KBTBD12: variants seen among roughly 807,000 people sequenced by gnomAD.
KBTBD12 encodes kelch repeat and BTB domain-containing protein 12.
A neutral mutation model predicts 58.7 loss-of-function variants in KBTBD12; 53 were observed. The observed-to-expected ratio is 0.90, with a 90% CI of 0.72 to 1.14. The LOEUF is 1.14. Among genes scored for constraint, KBTBD12 ranks in the 50% most tolerant of loss-of-function variants. The pLI is 0.00. For missense variants in KBTBD12, 704 were observed against 751.3 expected, an observed-to-expected ratio of 0.94 and a Z score of 0.74; for synonymous variants, 236 against 259.8, an observed-to-expected ratio of 0.91 and a Z score of 0.88.
chr3:127,973,740 T>C (rs1349215856), intron 5 of KBTBD12, among the ~76,000 whole-genome samples: 2 of 152,214 alleles, frequency 1.3e-5, no homozygotes, highest in Admixed American at 1.3e-4. Flanking sequence ...GTATTCAGTG[T>C]ACTATTCTTT....
At position 127,923,459 on chromosome 3, in the gene KBTBD12, G is replaced by A. The variant is rs768044958; in HGVS notation, c.398G>A (p.Cys133Tyr). The A allele has an allele frequency of 3.1e-6, 5 of 1,611,302 alleles. No individual in the cohort carries two copies. In the Admixed American group the frequency reaches 5.0e-5, roughly 16 times the overall value. ...ATGGACCACATGGATGCCTCCAACT[G>A]TTTAGGTATCTATTATTTTGCAAAG... is the stretch of plus-strand genomic sequence containing the variant. The part of the protein sequence containing the change: ...YMMDHMDASN[C>Y]LGIYYFAKQI... Residue 133 changes from cysteine (C) to tyrosine (Y), a missense_variant, in exon 2 of 6, where the codon TGT becomes TAT. Transcript: ENST00000405109.
At chr3:127,981,544 G>T (rs1159196591) in intron 5 of KBTBD12, among the ~76,000 whole-genome samples, 3 of 152,148 alleles carry the variant, frequency 2.0e-5, no homozygotes, top group African/African-American at 7.2e-5. Context: ...ATTTCATTAG[G>T]TTTTGGAGGA....
At chr3:127,932,060 A>G (rs1157215849) in intron 4 of KBTBD12, among the ~76,000 whole-genome samples, 1 of 152,164 alleles carries the variant, frequency 6.6e-6, no homozygotes, top group African/African-American at 2.4e-5. Context: ...TTGTGAGATA[A>G]GCATATAAAG....
At chr3:127,936,894 A>C (rs1199026086) in intron 4 of KBTBD12, among the ~76,000 whole-genome samples, 1 of 152,190 alleles carries the variant, frequency 6.6e-6, no homozygotes, top group Admixed American at 6.5e-5. Context: ...AGAAGTAATA[A>C]TCATAAATAA....
chr3:127,957,956 T>C (rs1940352027), intron 4 of KBTBD12, among the ~76,000 whole-genome samples: 1 of 151,808 alleles, frequency 6.6e-6, no homozygotes, highest in South Asian at 2.1e-4. Flanking sequence ...TTGTGAGAGG[T>C]TGAAGGTGGA....
intron 5 of KBTBD12, among the ~76,000 whole-genome samples, chr3:127,968,184 C>G (rs1388633253): frequency 6.6e-6 from 1 of 152,230 alleles, no homozygotes; most frequent in African/African-American, 2.4e-5. Context: ...ACCCAGAAGT[C>G]TTACGTCTTC....
chr3:127,953,729 C>G (rs919564442), intron 4 of KBTBD12, among the ~76,000 whole-genome samples: 3 of 152,194 alleles, frequency 2.0e-5, no homozygotes, highest in African/African-American at 7.2e-5. Flanking sequence ...TAGTCATATA[C>G]TGGATAGTTT....
intron 4 of KBTBD12, among the ~76,000 whole-genome samples, chr3:127,962,099 C>G (rs1028844654): frequency 1.3e-5 from 2 of 152,186 alleles, no homozygotes; most frequent in African/African-American, 4.8e-5. Flanking sequence ...CAGTGCTTTA[C>G]AGGCTTTTTG....
At position 127,922,987 on chromosome 3, in the gene KBTBD12, C is replaced by A. The variant is rs898056397; in HGVS notation, c.-75C>A. ...ACATCTTTGTAGCTTCATGAGTAAT[C>A]AGACATGCAAATAGCCCCTCAGGAA... On this transcript the variant is annotated 5_prime_UTR_variant, in exon 2 of 6. Transcript: ENST00000405109. The A allele has an allele frequency of 1.3e-6, 1 of 799,316 alleles. No homozygotes were observed. Among genetic ancestry groups the A allele is most frequent in the Non-Finnish European group, 2.0e-6 (1 of 489,922 alleles). The allele number at this position is 799,316 out of a possible 1,614,324, so 49.5% of individuals were successfully genotyped here. A position where few individuals can be genotyped will look rare whatever the true frequency, so the allele number is the denominator to read the frequency against.
chr3:127,944,829 G>A (rs181296564), intron 4 of KBTBD12, among the ~76,000 whole-genome samples: 2 of 151,944 alleles, frequency 1.3e-5, no homozygotes, highest in African/African-American at 4.8e-5. Context: ...TTACTGTACT[G>A]GGGAAATGTT....
intron 5 of KBTBD12, among the ~76,000 whole-genome samples, chr3:127,983,191 G>C (rs1940902755): frequency 6.6e-6 from 1 of 152,174 alleles, no homozygotes; most frequent in South Asian, 2.1e-4. Flanking sequence ...GCCTTTCTTC[G>C]TTTCTTAGAA....
intron 5 of KBTBD12, among the ~76,000 whole-genome samples, chr3:127,975,305 A>G (rs759146564): frequency 3.9e-5 from 6 of 152,208 alleles, no homozygotes; most frequent in Non-Finnish European, 7.3e-5. Flanking sequence ...GAGCTAAGAG[A>G]AAATCCTCAG....
intron 4 of KBTBD12, among the ~76,000 whole-genome samples, chr3:127,952,750 T>C (rs557423789): frequency 6.6e-6 from 1 of 152,362 alleles, no homozygotes; most frequent in South Asian, 2.1e-4. Context: ...TGACTTCCTG[T>C]TAAATGAGGA....
intron 4 of KBTBD12, 25 bp downstream of exon 4, chr3:127,930,308 G>T: frequency 6.2e-7 from 1 of 1,603,104 alleles, no homozygotes; most frequent in South Asian, 1.1e-5. Context: ...ATTGCTAACA[G>T]TATAACTACT....
chr3:127,946,723 G>C (rs975069155), intron 4 of KBTBD12, among the ~76,000 whole-genome samples: 1 of 152,004 alleles, frequency 6.6e-6, no homozygotes, highest in African/African-American at 2.4e-5. Context: ...CTTCTATTTT[G>C]TTCTCCCTTC....
chr3:127,917,651 T>G (rs770772916), intron 1 of KBTBD12, among the ~76,000 whole-genome samples: 4 of 152,196 alleles, frequency 2.6e-5, no homozygotes, highest in African/African-American at 4.8e-5. Flanking sequence ...AACTCATTAG[T>G]GTACAGAAAG....
rs781214557 is a variant in KBTBD12, at chr3:127,923,784, G to A, written c.723G>A (p.Leu241=). 64 of 1,613,732 alleles carry A rather than the reference G, an allele frequency of 4.0e-5. No individual in the cohort carries two copies. Among genetic ancestry groups the A allele is most frequent in the Admixed American group, 3.2e-4 (19 of 59,996 alleles). Reference sequence around the variant, plus strand: ...CCCTAAGAAGGAACACAATGCTTCTGTGTGATGCAGATTGTGTTGACATAA... The same window carrying A: ...CCCTAAGAAGGAACACAATGCTTCTATGTGATGCAGATTGTGTTGACATAA... ...RQALRRNTML[L]CDADCVDIIQ... Residue 241 remains leucine (L), a synonymous_variant, in exon 2 of 6, where the codon CTG becomes CTA. Coordinates refer to ENST00000405109, the MANE Select transcript of KBTBD12 (RefSeq NM_207335.4).
chr3:127,971,996 G>C (rs1200898903), intron 5 of KBTBD12, among the ~76,000 whole-genome samples: 3 of 152,130 alleles, frequency 2.0e-5, no homozygotes, highest in Non-Finnish European at 4.4e-5. Context: ...AAAGCCTGTC[G>C]AGGACAAATC....
intron 2 of KBTBD12, among the ~76,000 whole-genome samples, chr3:127,927,277 C>G (rs1336840730): frequency 6.6e-6 from 1 of 152,112 alleles, no homozygotes; most frequent in Non-Finnish European, 1.5e-5. Flanking sequence ...TCTACATATT[C>G]TAAATCATCC....
Sources: gnomAD v4.1 joint callset for allele counts (sites outside exome capture counted in the v4.1 genomes callset) on GRCh38, gnomAD v4.1.1 for gene constraint, MANE v1.5 for transcripts, NCBI Gene and HGNC (gene_info 2026-07-23, HGNC 2026-07-21) for gene names.